The following ZNF181 variants were observed in gnomAD, a reference collection of about 807,000 sequenced individuals.
ZNF181 encodes the protein zinc finger protein 181, also known as zinc finger protein 181 (HHZ181).
Under a neutral mutation model 11.9 loss-of-function variants are expected in ZNF181, and 8 were observed. The ratio of observed to expected loss-of-function variants is 0.67; its 90% CI spans 0.39 to 1.21. ZNF181 has a LOEUF of 1.21. Ranked by LOEUF, ZNF181 falls within the 50% of genes most tolerant of loss-of-function variation. The pLI is 0.01. For synonymous variants in ZNF181, 202 were observed against 221.1 expected, an observed-to-expected ratio of 0.91 and a Z score of 0.77; for missense variants, 542 against 670.9, an observed-to-expected ratio of 0.81 and a Z score of 2.12.
rs2069013108 is a variant in ZNF181, at chr19:34,743,926, G to A, written c.*1829G>A. 6.6e-6 allele frequency: 1 copy of A among 152,126 alleles called. No homozygotes were observed. The highest frequency in any genetic ancestry group is 2.4e-5 in the African/African-American group (1 of 41,386). The allele number at this position is 152,126 out of a possible 1,614,324, so 9.4% of individuals were successfully genotyped here. ...AGATAAGAAATGGAACAGTCTCACT[G>A]GCCCTGTGATTAGAATCCTATCTTG... On this transcript the variant is annotated 3_prime_UTR_variant, in exon 4 of 4. Transcript: ENST00000492450.
At chr19:34,738,612 C>A (rs2068922629) in intron 1 of ZNF181, among the ~76,000 whole-genome samples, 1 of 151,402 alleles carries the variant, frequency 6.6e-6, no homozygotes, top group South Asian at 2.1e-4. Flanking sequence ...GGCGCAACCT[C>A]CGCCTCTTGG....
rs1215784246 is a variant in ZNF181 at position 34,740,917 on chromosome 19, A to G, written c.536A>G (p.Glu179Gly). 6.2e-7 allele frequency: 1 copy of G among 1,614,010 alleles called. No homozygotes were observed. The part of the protein sequence containing the change: ...TLSEPQKISA[E>G]GNSHKYDILK... ...TCTGAACCACAAAAAATTTCTGCTGAAGGGAATTCACACAAATATGATATA... is the reference window on the plus strand; with the variant it reads ...TCTGAACCACAAAAAATTTCTGCTGGAGGGAATTCACACAAATATGATATA... The change falls in exon 4 of 4, where the codon GAA (glutamate) becomes GGA (glycine). Residue 179 changes from glutamate to glycine, a missense_variant. Physicochemically the swap from Glu to Gly is moderately conservative, Grantham distance 98 (BLOSUM62 -2). Coordinates refer to ENST00000492450, the MANE Select transcript of ZNF181 (RefSeq NM_001029997.4).
Position 34,734,867 on chromosome 19 carries a change from G to T in ZNF181, c.-171G>T. 1.6e-6 allele frequency: 1 copy of T among 619,218 alleles called. No individual in the cohort carries two copies. 38.4% of individuals were successfully genotyped at this position (619,218 alleles called of 1,614,324 possible). A position where few individuals can be genotyped will look rare whatever the true frequency, so the allele number is the denominator to read the frequency against. ...TTCCCAGGGAGAGATTGGCGCCCTGGAGAGTGATTACCAGTGTGCCTTTCC... is the reference window on the plus strand; with the variant it reads ...TTCCCAGGGAGAGATTGGCGCCCTGTAGAGTGATTACCAGTGTGCCTTTCC... On this transcript the variant is annotated 5_prime_UTR_variant, in exon 1 of 4. Transcript: ENST00000492450.
chr19:34,735,133 C>G, intron 1 of ZNF181, 87 bp downstream of exon 1: 14 of 1,466,700 alleles, frequency 9.5e-6, no homozygotes, highest in Non-Finnish European at 1.2e-5. Context: ...CCCACCTAAC[C>G]AAGTCCATTT....
intron 1 of ZNF181, chr19:34,736,119 A>G: frequency 1.4e-6 from 1 of 702,972 alleles, no homozygotes; most frequent in Admixed American, 2.0e-5. Flanking sequence ...GATGCTTAGT[A>G]AGTAATTGTG....
rs779184029 is a variant in ZNF181, at chr19:34,740,635, AG to A, written c.256del (p.Glu86AsnfsTer17). The A allele has an allele frequency of 6.4e-7, 1 of 1,571,166 alleles. No individual in the cohort carries two copies. On this transcript the variant is annotated frameshift_variant, in exon 4 of 4. Transcript: ENST00000492450. LOFTEE classifies it low-confidence loss of function (END_TRUNC). The stretch of plus-strand genomic sequence containing the variant: ...GATTGGGAATCAAGATGGGAAAACA[AG>A]GAATTATCAACAAAGAAGGATAATT... ...IPDWESRWEN[K>X]ELSTKKDNYD...
intron 3 of ZNF181, 112 bp downstream of exon 3, chr19:34,739,733 T>C: frequency 2.7e-6 from 3 of 1,094,292 alleles, no homozygotes; most frequent in Non-Finnish European, 3.9e-6. Flanking sequence ...TTTTCAAAGA[T>C]CTCAGATAGA....
rs758303139 is a variant in ZNF181 at position 34,741,530 on chromosome 19, G to T, written c.1149G>T (p.Gly383=). The change falls in exon 4 of 4, where the codon GGG becomes GGT. Residue 383 remains glycine, a synonymous_variant. Coordinates refer to ENST00000492450, the MANE Select transcript of ZNF181 (RefSeq NM_001029997.4). ...AGCCTTATGAATGTAGAGAATGTGG[G>T]AAAGCTTTCTGCTGTAGCTCACACC... ...GEKPYECREC[G]KAFCCSSHLT... is the part of the protein sequence containing the mutation. 1.7e-5 allele frequency: 28 copies of T among 1,613,794 alleles called. No homozygotes were observed. The highest frequency in any genetic ancestry group is 5.9e-6 in the Non-Finnish European group (7 of 1,179,962).
Position 34,743,391 on chromosome 19 carries a change from A to T in ZNF181, c.*1294A>T, listed in dbSNP as rs2069007518. ...TTACAAGTGCTATGAGGACATAACCAAGAAACAACATACTACAAGAGATCA... is the reference window on the plus strand; with the variant it reads ...TTACAAGTGCTATGAGGACATAACCTAGAAACAACATACTACAAGAGATCA... On this transcript the variant is annotated 3_prime_UTR_variant, in exon 4 of 4. Coordinates refer to ENST00000492450, the MANE Select transcript of ZNF181 (RefSeq NM_001029997.4). 6.6e-6 allele frequency: 1 copy of T among 152,234 alleles called. No homozygotes were observed. The highest frequency in any genetic ancestry group is 1.5e-5 in the Non-Finnish European group (1 of 68,040). 9.4% of individuals were successfully genotyped at this position (152,234 alleles called of 1,614,324 possible). A position where few individuals can be genotyped will look rare whatever the true frequency, so the allele number is the denominator to read the frequency against.
rs183179339 is a variant in ZNF181 at position 34,734,804 on chromosome 19, G to C, written c.-234G>C. The C allele has an allele frequency of 5.0e-5, 26 of 518,404 alleles. No homozygotes were observed. The highest frequency in any genetic ancestry group is 4.0e-4 in the African/African-American group (21 of 52,440). The allele number at this position is 518,404 out of a possible 1,614,324, so 32.1% of individuals were successfully genotyped here. On this transcript the variant is annotated 5_prime_UTR_variant, in exon 1 of 4. Transcript: ENST00000492450. ...TTGATTTTCCTCGCAGGTGGCACCT[G>C]GTAAATGGTTAGCCCTTGCGGAGAA...
chr19:34,738,639 T>A (rs2068923004), intron 1 of ZNF181, among the ~76,000 whole-genome samples: 1 of 151,942 alleles, frequency 6.6e-6, no homozygotes. Flanking sequence ...GCCATTCTCC[T>A]GCCTCAGCCT....
rs776981704 is a variant in ZNF181, at chr19:34,741,235, T to A, written c.854T>A (p.Ile285Lys). ...GGCTCATCCCTTACACGACATCTGA[T>A]AAGCCATAGTGGAGAGAAACCTTAC... ...SHGSSLTRHLISHSGEKPYKC... is the reference protein window; with the variant it reads ...SHGSSLTRHLKSHSGEKPYKC... The change falls in exon 4 of 4, where the codon ATA becomes AAA. Residue 285 changes from isoleucine to lysine, a missense_variant. Ile to Lys is a moderately radical substitution (Grantham distance 102). Transcript: ENST00000492450. The A allele has an allele frequency of 6.2e-7, 1 of 1,613,998 alleles. No individual in the cohort carries two copies. The highest frequency in any genetic ancestry group is 8.5e-7 in the Non-Finnish European group (1 of 1,179,914).
chr19:34,737,960 C>A (rs1428450702), intron 1 of ZNF181, among the ~76,000 whole-genome samples: 1 of 152,104 alleles, frequency 6.6e-6, no homozygotes, highest in African/African-American at 2.4e-5. Context: ...TTCTAACAGG[C>A]CACAGACTGG....
chr19:34,739,183 T>G lies in ZNF181; in HGVS notation c.45T>G (p.His15Gln), dbSNP rs777046500. 1.4e-5 allele frequency: 22 copies of G among 1,613,792 alleles called. No homozygotes were observed. Among genetic ancestry groups the G allele is most frequent in the Non-Finnish European group, 1.9e-5 (22 of 1,179,722 alleles). The change falls in exon 2 of 4, where the codon CAT (histidine) becomes CAG (glutamine). Residue 15 changes from histidine to glutamine, a missense_variant. Transcript: ENST00000492450. ...ATGATGTGGCTATAGACTTCACTCA[T>G]GAAGAGTGGGGATGGCTCAGTTCTG... ...TFNDVAIDFT[H>Q]EEWGWLSSAQ...
intron 1 of ZNF181, among the ~76,000 whole-genome samples, chr19:34,735,884 T>G (rs1447279964): frequency 6.6e-6 from 1 of 152,210 alleles, no homozygotes; most frequent in Non-Finnish European, 1.5e-5. Context: ...TCAGAAAAGC[T>G]TCCCTGAATG....
chr19:34,740,703 G>A lies in ZNF181; in HGVS notation c.322G>A (p.Val108Ile), dbSNP rs770112177. 5 of 1,612,774 alleles carry A rather than the reference G, an allele frequency of 3.1e-6. No homozygotes were observed. Among genetic ancestry groups the A allele is most frequent in the East Asian group, 2.2e-5 (1 of 44,884 alleles). ...SPQTVIIEKV[V>I]KQSYEFSNSK... ...CCAAACAGTAATAATAGAAAAAGTT[G>A]TAAAACAAAGTTATGAATTTTCAAA... is the stretch of plus-strand genomic sequence containing the variant. Residue 108 changes from valine (V) to isoleucine (I), a missense_variant, in exon 4 of 4, where the codon GTA becomes ATA. Coordinates refer to ENST00000492450, the MANE Select transcript of ZNF181 (RefSeq NM_001029997.4).
Position 34,740,823 on chromosome 19 carries a change from A to G in ZNF181, c.442A>G (p.Ser148Gly). ...ACCAGCAATTCTCACCTCTAGAGAA[A>G]GCCCCACTGCAGACAGTGTTTACAA... The part of the protein sequence containing the change: ...FRPAILTSRE[S>G]PTADSVYKYN... Residue 148 changes from serine to glycine, a missense_variant, in exon 4 of 4, where the codon AGC becomes GGC. Coordinates refer to ENST00000492450, the MANE Select transcript of ZNF181 (RefSeq NM_001029997.4). 6.2e-7 allele frequency: 1 copy of G among 1,614,140 alleles called. No homozygotes were observed. Among genetic ancestry groups the G allele is most frequent in the Non-Finnish European group, 8.5e-7 (1 of 1,180,006 alleles).
intron 1 of ZNF181, among the ~76,000 whole-genome samples, chr19:34,737,022 A>G (rs1305725544): frequency 6.6e-6 from 1 of 152,234 alleles, no homozygotes; most frequent in Non-Finnish European, 1.5e-5. Context: ...ATTTAGGATA[A>G]ATTATGTGTA....
intron 1 of ZNF181, among the ~76,000 whole-genome samples, chr19:34,737,848 C>T (rs550553787): frequency 5.9e-5 from 9 of 152,144 alleles, no homozygotes; most frequent in South Asian, 2.1e-4. Context: ...GTAGGGATTG[C>T]GCTCCTATGA....
Sources: gnomAD v4.1 joint callset for allele counts (sites outside exome capture counted in the v4.1 genomes callset) on GRCh38, gnomAD v4.1.1 for gene constraint, MANE v1.5 for transcripts, NCBI Gene and HGNC (gene_info 2026-07-23, HGNC 2026-07-21) for gene names.